The following UTS2B variants were observed in gnomAD, a reference collection of about 807,000 sequenced individuals.
The protein encoded by UTS2B is urotensin 2B, also known as urotensin-2B.
In UTS2B, 21 loss-of-function variants were observed where a neutral mutation model predicts 19.2. The observed-to-expected ratio is 1.09, with a 90% CI of 0.78 to 1.58. UTS2B has a LOEUF of 1.58. Ranked by LOEUF, UTS2B falls within the 40% of genes most tolerant of loss-of-function variation. The pLI is 0.00. For missense variants in UTS2B, 138 were observed against 130.3 expected, an observed-to-expected ratio of 1.06 and a Z score of -0.29; for synonymous variants, 57 against 50.2, an observed-to-expected ratio of 1.14 and a Z score of -0.58.
chr3:191,288,595 T>C (rs1238652202), intron 4 of UTS2B, among the ~76,000 whole-genome samples: 2 of 152,154 alleles, frequency 1.3e-5, no homozygotes, highest in Non-Finnish European at 2.9e-5. Context: ...AGTAGACCCT[T>C]ATTCCACGCT....
the UTS2B span, among the ~76,000 whole-genome samples, chr3:191,337,114 G>T: frequency 1.3e-5 from 2 of 151,758 alleles, no homozygotes; most frequent in African/African-American, 4.8e-5. Flanking sequence ...AGTAGTTGTA[G>T]CAGAGACCAC....
Position 191,282,092 on chromosome 3 carries a change from G to A in UTS2B, c.98C>T (p.Thr33Ile). 1 of 1,608,090 alleles carries A rather than the reference G, an allele frequency of 6.2e-7. No homozygotes were observed. Among genetic ancestry groups the A allele is most frequent in the East Asian group, 2.2e-5 (1 of 44,780 alleles). The change falls in exon 5 of 9, where the codon ACC becomes ATC. Residue 33 changes from threonine (T) to isoleucine (I), a missense_variant. Transcript: ENST00000340524. ...TTTAATTGATATGCACGTACCTTGG[G>A]TAAGATATGGTCGTCCATGCACAGA... Reference protein sequence around the residue: ...LQSVHGRPYLTQGNEIFPDKK... With the variant: ...LQSVHGRPYLIQGNEIFPDKK...
upstream of UTS2B, among the ~76,000 whole-genome samples, chr3:191,331,783 C>G (rs900525881): frequency 6.6e-6 from 1 of 152,128 alleles, no homozygotes; most frequent in Non-Finnish European, 1.5e-5. Flanking sequence ...CCCAGTTACT[C>G]CCTAACAGTG....
At chr3:191,316,465 C>T (rs78085014) in intron 2 of UTS2B, 26 bp from the exon 3 acceptor site, 42,277 of 152,170 alleles carry the variant, frequency 0.28, 6,054 homozygotes, top group African/African-American at 0.32. Context: ...AAATAGATCT[C>T]CCACAGTGTG....
intron 8 of UTS2B, among the ~76,000 whole-genome samples, chr3:191,269,543 T>C (rs1241074459): frequency 2.6e-5 from 4 of 151,740 alleles, no homozygotes; most frequent in African/African-American, 9.7e-5. Flanking sequence ...CTTCTCACTA[T>C]ATTCCCCAGC....
At chr3:191,295,746 A>G (rs781278965) in intron 4 of UTS2B, among the ~76,000 whole-genome samples, 4 of 151,922 alleles carry the variant, frequency 2.6e-5, no homozygotes, top group Non-Finnish European at 5.9e-5. Context: ...TGGCATGACC[A>G]TTTACCCAGT....
At chr3:191,311,748 G>A (rs973072736) in intron 3 of UTS2B, among the ~76,000 whole-genome samples, 8 of 152,152 alleles carry the variant, frequency 5.3e-5, no homozygotes, top group African/African-American at 1.9e-4. Flanking sequence ...TATCCTTTAG[G>A]CGTTAGGTGA....
At chr3:191,340,909 C>T in the UTS2B span, among the ~76,000 whole-genome samples, 9 of 152,182 alleles carry the variant, frequency 5.9e-5, no homozygotes, top group African/African-American at 1.9e-4. Flanking sequence ...AGTCATAGCT[C>T]ACTGTGGCCT....
At chr3:191,335,116 AG>A (rs1718098617), upstream of UTS2B, among the ~76,000 whole-genome samples, 1 of 152,208 alleles carries the variant, frequency 6.6e-6, no homozygotes, top group African/African-American at 2.4e-5. Flanking sequence ...GGGACTTAAC[AG>A]TTTTTGTTGA....
chr3:191,291,522 G>A lies in UTS2B; in HGVS notation c.-124-9209C>T, dbSNP rs551072368. Among the ~76,000 whole-genome samples the A allele has an allele frequency of 1.1e-4, 17 of 151,724 alleles. No homozygotes were observed. The South Asian group carries it at 2.9e-3, about 26-fold the overall frequency. ...GGCTGGAGTGCAGTGGCGCCATCTC[G>A]GCTCACTGCAAGCTCCACCACCTGG... On this transcript the variant is annotated intron_variant, in intron 4 of 8. Transcript: ENST00000340524.
upstream of UTS2B, among the ~76,000 whole-genome samples, chr3:191,333,466 G>A (rs976596079): frequency 1.3e-5 from 2 of 152,130 alleles, no homozygotes; most frequent in African/African-American, 2.4e-5. Flanking sequence ...AGATGGCAGT[G>A]TCCATGAGAT....
chr3:191,282,194 A>T lies in UTS2B; in HGVS notation c.-5T>A. ...GCTTGAGAGGATCTTGTTCATGTTA[A>T]AAAAAACCTTCTGGACTAGCAAAGA... On this transcript the variant is annotated 5_prime_UTR_variant, in exon 5 of 9. Transcript: ENST00000340524. 1 of 1,604,818 alleles carries T rather than the reference A, an allele frequency of 6.2e-7. No individual in the cohort carries two copies. Among genetic ancestry groups the T allele is most frequent in the Non-Finnish European group, 8.5e-7 (1 of 1,175,122 alleles).
chr3:191,297,397 T>C (rs562669644), intron 4 of UTS2B, among the ~76,000 whole-genome samples: 60 of 152,290 alleles, frequency 3.9e-4, no homozygotes, highest in African/African-American at 1.4e-3. Flanking sequence ...TTCACACAAT[T>C]CCCCTTGTCT....
chr3:191,291,812 T>C (rs1299033596), intron 4 of UTS2B, among the ~76,000 whole-genome samples: 1 of 152,008 alleles, frequency 6.6e-6, no homozygotes, highest in Admixed American at 6.6e-5. Flanking sequence ...TTTATTTATT[T>C]ATTTATTTTC....
In UTS2B at chr3:191,289,442, AT is replaced by A. The variant is rs1402320812; in HGVS notation, c.-124-7130del. The stretch of plus-strand genomic sequence containing the variant: ...AATAAATAAATAAATAAATAAATAA[AT>A]AAATAAAAAACAAACGAAATTAATA... On this transcript the variant is annotated intron_variant, in intron 4 of 8. Coordinates refer to ENST00000340524, the MANE Select transcript of UTS2B (RefSeq NM_198152.5). 4.8e-4 allele frequency among the ~76,000 whole-genome samples: 70 copies of A among 145,362 alleles called. 1 individual carries two copies. Among genetic ancestry groups the A allele is most frequent in the South Asian group, 2.0e-3 (9 of 4,538 alleles).
At chr3:191,334,822 T>C (rs1309053344), upstream of UTS2B, among the ~76,000 whole-genome samples, 1 of 152,190 alleles carries the variant, frequency 6.6e-6, no homozygotes, top group Non-Finnish European at 1.5e-5. Context: ...AATAAGGCTT[T>C]TTCTGAGGAT....
At chr3:191,286,482 A>G (rs902020731) in intron 4 of UTS2B, among the ~76,000 whole-genome samples, 2 of 152,152 alleles carry the variant, frequency 1.3e-5, no homozygotes, top group Non-Finnish European at 2.9e-5. Context: ...AAAATTCACA[A>G]ATACATGGAA....
the UTS2B span, among the ~76,000 whole-genome samples, chr3:191,344,230 G>A: frequency 6.6e-6 from 1 of 152,192 alleles, no homozygotes; most frequent in African/African-American, 2.4e-5. Context: ...TCACTGAGTG[G>A]TCCAGTTGTC....
intron 3 of UTS2B, among the ~76,000 whole-genome samples, chr3:191,312,204 AC>A (rs1304642894): frequency 1.3e-5 from 2 of 151,914 alleles, no homozygotes; most frequent in Non-Finnish European, 2.9e-5. Flanking sequence ...CCCTTCACCA[AC>A]GCCAGGCTTC....
Sources: gnomAD v4.1 joint callset for allele counts (sites outside exome capture counted in the v4.1 genomes callset) on GRCh38, gnomAD v4.1.1 for gene constraint, MANE v1.5 for transcripts, NCBI Gene and HGNC (gene_info 2026-07-23, HGNC 2026-07-21) for gene names.